Variants in SIPA1L1 observed in about 807,000 individuals in gnomAD.
SIPA1L1 encodes the protein signal-induced proliferation-associated 1-like protein 1.
In SIPA1L1, 26 loss-of-function variants were observed where a neutral mutation model predicts 162.7. The observed-to-expected ratio is 0.16, with a 90% CI of 0.12 to 0.22. SIPA1L1 has a LOEUF of 0.22. Among genes scored for constraint, SIPA1L1 ranks in the 10% least tolerant of loss-of-function variants. The probability of loss-of-function intolerance (pLI) is 1.00; values close to 1 mark genes in which losing one functional copy is unlikely to be tolerated. For missense variants in SIPA1L1, 1,874 were observed against 2,241.0 expected, an observed-to-expected ratio of 0.84 and a Z score of 3.31; for synonymous variants, 829 against 837.4, an observed-to-expected ratio of 0.99 and a Z score of 0.17.
intron 2 of SIPA1L1, among the ~76,000 whole-genome samples, chr14:71,477,299 C>G (rs1159270583): frequency 6.6e-6 from 1 of 151,986 alleles, no homozygotes; most frequent in African/African-American, 2.4e-5. Flanking sequence ...TACTGTCTCC[C>G]CACCTCTACC....
intron 2 of SIPA1L1, among the ~76,000 whole-genome samples, chr14:71,451,789 G>C (rs779670231): frequency 3.3e-5 from 5 of 151,906 alleles, no homozygotes; most frequent in African/African-American, 1.2e-4. Context: ...TAATTAGCTC[G>C]ATTTAGCCAT....
At position 71,588,645 on chromosome 14, in the gene SIPA1L1, C is replaced by T; in HGVS notation, c.773C>T (p.Ser258Phe). Residue 258 changes from serine (S) to phenylalanine (F), a missense_variant, in exon 5 of 24, where the codon TCT becomes TTT. Physicochemically the swap from Ser to Phe is radical, Grantham distance 155 (BLOSUM62 -2). Transcript: ENST00000381232. This position sits in a 1 kb window ranked among gnomAD's most constrained non-coding sequence, Gnocchi z 4.3. Reference protein sequence around the residue: ...ITGGGKGSGFSLDVIDGPISQ... With the variant: ...ITGGGKGSGFFLDVIDGPISQ... ...GGTGGTGGCAAGGGTTCTGGTTTCT[C>T]TTTGGATGTAATAGACGGGCCTATC... 6.2e-7 allele frequency: 1 copy of T among 1,614,020 alleles called. No homozygotes were observed. The highest frequency in any genetic ancestry group is 8.5e-7 in the Non-Finnish European group (1 of 1,179,954).
chr14:71,519,701 A>G (rs1174667511), intron 3 of SIPA1L1, among the ~76,000 whole-genome samples: 1 of 152,062 alleles, frequency 6.6e-6, no homozygotes, highest in African/African-American at 2.4e-5. Flanking sequence ...ACATGGTGTC[A>G]CACACCTGTA....
chr14:71,555,365 CTCT>C (rs1327507031), intron 4 of SIPA1L1, among the ~76,000 whole-genome samples: 10 of 152,320 alleles, frequency 6.6e-5, no homozygotes, highest in Non-Finnish European at 1.3e-4. Context: ...TGGCTTCTAA[CTCT>C]TCTTCTGAGT....
chr14:71,737,140 A>G lies in SIPA1L1; in HGVS notation c.5124-1101A>G, dbSNP rs867416077. 2.0e-5 allele frequency among the ~76,000 whole-genome samples: 3 copies of G among 152,290 alleles called. No individual in the cohort carries two copies. The South Asian group carries it at 6.2e-4, about 32-fold the overall frequency. On this transcript the variant is annotated intron_variant, in intron 22 of 23. Coordinates refer to ENST00000381232, the MANE Select transcript of SIPA1L1 (RefSeq NM_001386936.1). ...AGAGATTGGAGGTCATGGTCACTCCATCAGCCCACAGCCTTGCCACACTGT... is the reference window on the plus strand; with the variant it reads ...AGAGATTGGAGGTCATGGTCACTCCGTCAGCCCACAGCCTTGCCACACTGT...
intron 2 of SIPA1L1, among the ~76,000 whole-genome samples, chr14:71,366,567 G>T (rs1489536132): frequency 6.6e-6 from 1 of 152,132 alleles, no homozygotes; most frequent in Admixed American, 6.5e-5. Context: ...TCGAGTAGCT[G>T]GGACTACAGG....
At chr14:71,505,046 T>C (rs2050544684) in intron 2 of SIPA1L1, among the ~76,000 whole-genome samples, 1 of 152,194 alleles carries the variant, frequency 6.6e-6, no homozygotes, top group African/African-American at 2.4e-5. Context: ...CATTTTGTAG[T>C]TTTCATTCTC....
chr14:71,593,953 A>G (rs2035726764), intron 5 of SIPA1L1, among the ~76,000 whole-genome samples: 1 of 152,162 alleles, frequency 6.6e-6, no homozygotes, highest in Non-Finnish European at 1.5e-5. Flanking sequence ...AAGCGCATCT[A>G]AGAGTATTTT....
chr14:71,661,281 T>C, intron 9 of SIPA1L1, 29 bp from the exon 10 acceptor site: 1 of 1,607,484 alleles, frequency 6.2e-7, no homozygotes, highest in African/African-American at 1.3e-5. Context: ...TGATTGTTAT[T>C]TATGTTGGTT....
chr14:71,388,774 T>C (rs2040533978), intron 2 of SIPA1L1, among the ~76,000 whole-genome samples: 1 of 152,210 alleles, frequency 6.6e-6, no homozygotes, highest in Non-Finnish European at 1.5e-5. Context: ...TTTAGGATCT[T>C]AAAGCTGGCC....
intron 4 of SIPA1L1, among the ~76,000 whole-genome samples, chr14:71,561,088 TA>T (rs931489247): frequency 5.3e-5 from 8 of 152,228 alleles, no homozygotes; most frequent in African/African-American, 1.7e-4. Flanking sequence ...TCTAGAAGAT[TA>T]ATTTTGTTTT....
intron 5 of SIPA1L1, among the ~76,000 whole-genome samples, chr14:71,591,141 C>G (rs1040285753): frequency 6.6e-6 from 1 of 151,960 alleles, no homozygotes; most frequent in East Asian, 1.9e-4. Flanking sequence ...TACTTTTTTC[C>G]TATTAGGCAG....
intron 4 of SIPA1L1, among the ~76,000 whole-genome samples, chr14:71,556,896 G>T (rs532223990): frequency 1.3e-5 from 2 of 151,860 alleles, no homozygotes; most frequent in Admixed American, 6.6e-5. Context: ...TTTCCTTCCC[G>T]TAGGATATGG....
chr14:71,731,082 C>G (rs568595942), intron 20 of SIPA1L1, among the ~76,000 whole-genome samples: 4 of 152,172 alleles, frequency 2.6e-5, no homozygotes, highest in African/African-American at 7.2e-5. Context: ...CCCTTCTGTC[C>G]TTTTTCCTTT....
intron 2 of SIPA1L1, among the ~76,000 whole-genome samples, chr14:71,456,620 CTTA>C (rs923452131): frequency 1.3e-5 from 2 of 152,036 alleles, no homozygotes; most frequent in Non-Finnish European, 2.9e-5. Context: ...ATAGTGTTGG[CTTA>C]TTATTACAGA....
intron 2 of SIPA1L1, among the ~76,000 whole-genome samples, chr14:71,463,746 G>C (rs540122028): frequency 1.1e-4 from 16 of 152,130 alleles, no homozygotes; most frequent in Non-Finnish European, 2.2e-4. Context: ...TTAGTATTTT[G>C]TCCATTTGAC....
At chr14:71,416,747 A>ACACACG (rs1337341934) in intron 2 of SIPA1L1, among the ~76,000 whole-genome samples, 15 of 151,188 alleles carry the variant, frequency 9.9e-5, no homozygotes, top group Admixed American at 4.6e-4. Context: ...ACACACACAC[A>ACACACG]CACACGCATG....
intron 2 of SIPA1L1, among the ~76,000 whole-genome samples, chr14:71,328,668 T>C (rs1012474153): frequency 6.6e-6 from 1 of 152,130 alleles, no homozygotes; most frequent in East Asian, 1.9e-4. Context: ...TTGGAATAAC[T>C]CCTCAAATGA....
In SIPA1L1 at chr14:71,588,688, C is replaced by G; in HGVS notation, c.816C>G (p.Leu272=). 6.2e-7 allele frequency: 1 copy of G among 1,613,936 alleles called. No homozygotes were observed. The highest frequency in any genetic ancestry group is 1.1e-5 in the South Asian group (1 of 91,074). ...GGCCTATCTCACAGAGAGAGAACCT[C>G]AGGCTTTTTAAGGAAAGGGAAAAAC... ...IDGPISQREN[L]RLFKEREKPL... Residue 272 remains leucine, a synonymous_variant, in exon 5 of 24, where the codon CTC becomes CTG. Coordinates refer to ENST00000381232, the MANE Select transcript of SIPA1L1 (RefSeq NM_001386936.1). This position sits in a 1 kb window ranked among gnomAD's most constrained non-coding sequence, Gnocchi z 4.3.
Sources: allele counts gnomAD v4.1 joint callset (sites outside exome capture counted in the v4.1 genomes callset), GRCh38; gene constraint gnomAD v4.1.1; non-coding constraint Gnocchi (gnomAD v3.1); transcripts MANE v1.5; gene names NCBI Gene and HGNC (gene_info 2026-07-23, HGNC 2026-07-21).